The following CALN1 variants were observed in gnomAD, a reference collection of about 807,000 sequenced individuals.
CALN1 encodes calcium-binding protein 8.
In CALN1, 17 loss-of-function variants were observed where a neutral mutation model predicts 30.6. The ratio of observed to expected loss-of-function variants is 0.56; its 90% confidence interval spans 0.38 to 0.83. The LOEUF is 0.83. Ranked by LOEUF, CALN1 falls within the 40% of genes least tolerant of loss-of-function variation. The pLI, the probability that CALN1 is intolerant of heterozygous loss-of-function variation, is 0.00. For missense variants in CALN1, 291 were observed against 354.9 expected (o/e 0.82, Z 1.45); for synonymous variants, 156 against 131.4 (o/e 1.19, Z -1.28).
intron 2 of CALN1, among the ~76,000 whole-genome samples, chr7:72,314,187 C>G (rs1211460568): frequency 6.6e-6 from 1 of 152,128 alleles, no homozygotes; most frequent in East Asian, 1.9e-4. Context: ...CTGCCACCAT[C>G]CCCCTCCCTG....
intron 2 of CALN1, among the ~76,000 whole-genome samples, chr7:72,386,461 G>GAGACAACC (rs1805215347): frequency 6.6e-6 from 1 of 152,160 alleles, no homozygotes. Context: ...GGGTAAATTG[G>GAGACAACC]TTAACAATTC....
chr7:72,186,911 A>ATTT (rs1790239176), intron 3 of CALN1, among the ~76,000 whole-genome samples: 1 of 34,250 alleles, frequency 2.9e-5, no homozygotes, highest in African/African-American at 1.0e-4. Context: ...TTTTTTTTTG[A>ATTT]TAGAATGATT....
intron 4 of CALN1, among the ~76,000 whole-genome samples, chr7:72,101,988 A>G (rs966704817): frequency 9.9e-5 from 15 of 152,226 alleles, no homozygotes; most frequent in Admixed American, 1.3e-4. Flanking sequence ...GTTTTAGACT[A>G]GGGAAGAAAC....
At chr7:72,371,047 CAAAAAAAA>C (rs35918896) in intron 2 of CALN1, among the ~76,000 whole-genome samples, 1 of 91,582 alleles carries the variant, frequency 1.1e-5, no homozygotes, top group Admixed American at 1.3e-4. Context: ...AATTAAGTCT[CAAAAAAAA>C]AAAAAAAAAA....
intron 3 of CALN1, among the ~76,000 whole-genome samples, chr7:72,203,388 C>A (rs1791581364): frequency 6.6e-6 from 1 of 152,082 alleles, no homozygotes; most frequent in South Asian, 2.1e-4. Flanking sequence ...TTACGCGAAA[C>A]AATGAGTAGG....
intron 1 of CALN1, among the ~76,000 whole-genome samples, chr7:72,417,596 A>G (rs1585706950): frequency 6.6e-6 from 1 of 152,192 alleles, no homozygotes; most frequent in East Asian, 1.9e-4. Flanking sequence ...GTTTGAATGT[A>G]TTCATTATAT....
intron 5 of CALN1, among the ~76,000 whole-genome samples, chr7:71,847,515 C>CCAAAAA (rs1393093265): frequency 6.1e-5 from 9 of 147,666 alleles, no homozygotes; most frequent in African/African-American, 1.0e-4. Context: ...AAAACCAAAA[C>CCAAAAA]CAAAAACAAA....
intron 4 of CALN1, among the ~76,000 whole-genome samples, chr7:72,078,743 C>G (rs1804919071): frequency 6.6e-6 from 1 of 152,182 alleles, no homozygotes; most frequent in Non-Finnish European, 1.5e-5. Context: ...GAAGACCAGC[C>G]TGGCCAACAT....
At chr7:72,140,546 G>C (rs1455448189) in intron 3 of CALN1, among the ~76,000 whole-genome samples, 1 of 152,234 alleles carries the variant, frequency 6.6e-6, no homozygotes, top group Non-Finnish European at 1.5e-5. Context: ...TCCTATCAAA[G>C]GAAGACAAGG....
chr7:72,284,960 C>A (rs1221826746), intron 2 of CALN1, among the ~76,000 whole-genome samples: 1 of 152,038 alleles, frequency 6.6e-6, no homozygotes. Flanking sequence ...GTACCAAGGA[C>A]CCAGGCACAT....
At chr7:72,318,960 T>C (rs879496078) in intron 2 of CALN1, among the ~76,000 whole-genome samples, 2 of 151,900 alleles carry the variant, frequency 1.3e-5, no homozygotes, top group Non-Finnish European at 2.9e-5. Flanking sequence ...ACAACCTCTA[T>C]GGAAAACAAT....
intron 2 of CALN1, among the ~76,000 whole-genome samples, chr7:72,361,845 C>T (rs1456540563): frequency 6.6e-6 from 1 of 152,190 alleles, no homozygotes; most frequent in African/African-American, 2.4e-5. Context: ...TGAAAAACAT[C>T]AGCTTAAGCA....
the CALN1 span, among the ~76,000 whole-genome samples, chr7:72,500,813 A>G: frequency 6.6e-6 from 1 of 152,120 alleles, no homozygotes; most frequent in Non-Finnish European, 1.5e-5. Flanking sequence ...ATGTCCAGTT[A>G]CTTCCATTCC....
chr7:72,162,074 A>G (rs906043819), intron 3 of CALN1, among the ~76,000 whole-genome samples: 1 of 151,634 alleles, frequency 6.6e-6, no homozygotes, highest in South Asian at 2.1e-4. Context: ...ACAACATTCT[A>G]TAAGACAGAG....
intron 2 of CALN1, among the ~76,000 whole-genome samples, chr7:72,325,018 G>T (rs1801172955): frequency 6.6e-6 from 1 of 152,174 alleles, no homozygotes; most frequent in African/African-American, 2.4e-5. Context: ...CTTAAAGATT[G>T]CTGGGTGCAC....
At chr7:72,353,620 C>T (rs1803063688) in intron 2 of CALN1, among the ~76,000 whole-genome samples, 2 of 152,082 alleles carry the variant, frequency 1.3e-5, no homozygotes, top group South Asian at 2.1e-4. Context: ...TAACATCACA[C>T]AAAATGGTTA....
chr7:71,949,930 T>G (rs541031946), intron 5 of CALN1, among the ~76,000 whole-genome samples: 38 of 152,006 alleles, frequency 2.5e-4, no homozygotes, highest in Middle Eastern at 3.4e-3. Context: ...CCTGGCTAAT[T>G]TTTTTGTATT....
chr7:72,233,773 G>A (rs1454537677), intron 3 of CALN1, among the ~76,000 whole-genome samples: 1 of 152,090 alleles, frequency 6.6e-6, no homozygotes, highest in African/African-American at 2.4e-5. Context: ...AAAGGTCGAG[G>A]CAGGCGGATA....
rs199886231 is a variant in CALN1 at position 71,799,450 on chromosome 7, TTTAGTTAGTTAG to T, written c.658+10874_658+10885del. Among the ~76,000 whole-genome samples the T allele has an allele frequency of 3.0e-3, 206 of 69,116 alleles. 3 individuals carry two copies. The highest frequency in any genetic ancestry group is 7.0e-3 in the African/African-American group (195 of 27,772). The allele number at this position is 69,116 out of a possible 152,430, so 45.3% of individuals were successfully genotyped here. A position where few individuals can be genotyped will look rare whatever the true frequency, so the allele number is the denominator to read the frequency against. On this transcript the variant is annotated intron_variant, in intron 6 of 6. Transcript: ENST00000395275. ...ATTTATTTATTTATTTATTTATTTA[TTTAGTTAGTTAG>T]TTAGTTAGTTAGTTAGTTTTTGAGA... is the stretch of plus-strand genomic sequence containing the variant.
Sources: gnomAD v4.1 joint callset for allele counts (sites outside exome capture counted in the v4.1 genomes callset) on GRCh38, gnomAD v4.1.1 for gene constraint, MANE v1.5 for transcripts, NCBI Gene and HGNC (gene_info 2026-07-23, HGNC 2026-07-21) for gene names.